Variants in PARD3B observed in about 807,000 individuals in gnomAD.
The protein encoded by PARD3B is partitioning defective 3 homolog B.
A neutral mutation model predicts 130.2 loss-of-function variants in PARD3B; 103 were observed. The observed-to-expected ratio is 0.79, with a 90% CI of 0.67 to 0.93. The LOEUF (loss-of-function observed/expected upper bound fraction) is 0.93. Among genes scored for constraint, PARD3B ranks in the 40% least tolerant of loss-of-function variants. The pLI is 0.00. For missense variants in PARD3B, 1,609 were observed against 1,499.2 expected, an observed-to-expected ratio of 1.07 and a Z score of -1.21; for synonymous variants, 583 against 553.2, an observed-to-expected ratio of 1.05 and a Z score of -0.76.
At chr2:204,960,403 A>G (rs1447737784) in intron 2 of PARD3B, among the ~76,000 whole-genome samples, 1 of 152,162 alleles carries the variant, frequency 6.6e-6, no homozygotes, top group Non-Finnish European at 1.5e-5. Context: ...GTTTTGGAGT[A>G]TGATGTGGCA....
At chr2:205,599,783 T>A (rs1313081972) in intron 22 of PARD3B, among the ~76,000 whole-genome samples, 1 of 152,226 alleles carries the variant, frequency 6.6e-6, no homozygotes, top group Non-Finnish European at 1.5e-5. Context: ...TCGTTGGTTC[T>A]GGGTGTTGTT....
At chr2:204,682,279 T>A (rs1396204481) in intron 1 of PARD3B, among the ~76,000 whole-genome samples, 1 of 152,110 alleles carries the variant, frequency 6.6e-6, no homozygotes, top group East Asian at 1.9e-4. Flanking sequence ...TTTTCTGTGT[T>A]TAAAAAAAAA....
At chr2:204,852,578 CT>C (rs2125608995) in intron 2 of PARD3B, among the ~76,000 whole-genome samples, 1 of 150,480 alleles carries the variant, frequency 6.6e-6, no homozygotes, top group African/African-American at 2.5e-5. Flanking sequence ...CAGCAAGCAG[CT>C]TTAACCAGTG....
intron 19 of PARD3B, among the ~76,000 whole-genome samples, chr2:205,403,485 A>G (rs760891994): frequency 4.6e-5 from 7 of 152,094 alleles, no homozygotes; most frequent in African/African-American, 7.3e-5. Context: ...TCTTTAGTGC[A>G]TATCCAGGAG....
At chr2:205,602,938 T>C (rs1164036346) in intron 22 of PARD3B, among the ~76,000 whole-genome samples, 2 of 152,172 alleles carry the variant, frequency 1.3e-5, no homozygotes, top group Non-Finnish European at 2.9e-5. Context: ...CTCCAGTTCT[T>C]TTAATTGTGA....
intron 18 of PARD3B, among the ~76,000 whole-genome samples, chr2:205,326,788 G>C (rs1411848238): frequency 6.6e-6 from 1 of 152,124 alleles, no homozygotes; most frequent in Non-Finnish European, 1.5e-5. Flanking sequence ...CATCCACCCA[G>C]TTTGGAAAAG....
intron 1 of PARD3B, among the ~76,000 whole-genome samples, chr2:204,550,541 G>A (rs893372175): frequency 6.6e-6 from 1 of 152,000 alleles, no homozygotes; most frequent in Non-Finnish European, 1.5e-5. Context: ...AGAAATAAGA[G>A]CATTGAATTC....
chr2:205,395,145 C>T (rs1269865119), intron 18 of PARD3B, among the ~76,000 whole-genome samples: 2 of 152,142 alleles, frequency 1.3e-5, no homozygotes, highest in African/African-American at 2.4e-5. Context: ...CTTCAGCACT[C>T]GACTGCACCT....
Position 205,013,611 on chromosome 2 carries a change from C to G in PARD3B, c.395-33970C>G, listed in dbSNP as rs369977205. 4.6e-5 allele frequency among the ~76,000 whole-genome samples: 7 copies of G among 152,214 alleles called. No homozygotes were observed. The East Asian group carries it at 1.4e-3, about 29-fold the overall frequency. On this transcript the variant is annotated intron_variant, in intron 3 of 22. Transcript: ENST00000406610. ...TGTCATTGGATACTAATAACATGCC[C>G]ACTTCACAAATTTAATCTTTCTGTA...
chr2:205,594,498 G>A (rs1391724181), intron 22 of PARD3B, among the ~76,000 whole-genome samples: 1 of 152,124 alleles, frequency 6.6e-6, no homozygotes, highest in Non-Finnish European at 1.5e-5. Flanking sequence ...CAGGGACCAT[G>A]TGAATAAACC....
chr2:204,705,217 G>A (rs1272935606), intron 2 of PARD3B, among the ~76,000 whole-genome samples: 2 of 152,224 alleles, frequency 1.3e-5, no homozygotes, highest in Middle Eastern at 3.2e-3. Flanking sequence ...AGCCGATTAT[G>A]TGCTAGGGCA....
chr2:204,686,097 G>A lies in PARD3B; in HGVS notation c.121-84G>A, dbSNP rs907344394. 37 of 916,056 alleles carry A rather than the reference G, an allele frequency of 4.0e-5. No homozygotes were observed. In the Admixed American group the frequency reaches 7.4e-4, roughly 18 times the overall value. 56.7% of individuals were successfully genotyped at this position (916,056 alleles called of 1,614,324 possible). ...GATTACTAGAACATATTTTTAACAA[G>A]TTAACTTATGTCTCTTAACATTAAA... On this transcript the variant is annotated intron_variant, in intron 1 of 22. Coordinates refer to ENST00000406610, the MANE Select transcript of PARD3B (RefSeq NM_001302769.2).
chr2:205,099,982 A>G (rs929749511), intron 4 of PARD3B, among the ~76,000 whole-genome samples: 1 of 152,190 alleles, frequency 6.6e-6, no homozygotes, highest in African/African-American at 2.4e-5. Flanking sequence ...TAGTCAGTTC[A>G]GAATTACCCT....
Position 204,673,242 on chromosome 2 carries a change from TGTA to T in PARD3B, c.121-12938_121-12936del, listed in dbSNP as rs1262569789. On this transcript the variant is annotated intron_variant, in intron 1 of 22. Coordinates refer to ENST00000406610, the MANE Select transcript of PARD3B (RefSeq NM_001302769.2). This position sits in a 1 kb window ranked among gnomAD's most constrained non-coding sequence, Gnocchi z 4.7. Reference sequence around the variant, plus strand: ...AAAACCATCTGAGATGCAAATAACATGTAAGTCCCTTCTTCTTCCTTTCTAGAA... The same window carrying T: ...AAAACCATCTGAGATGCAAATAACATAGTCCCTTCTTCTTCCTTTCTAGAA... Among the ~76,000 whole-genome samples the T allele has an allele frequency of 6.6e-6, 1 of 152,232 alleles. No homozygotes were observed. Among genetic ancestry groups the T allele is most frequent in the Admixed American group, 6.5e-5 (1 of 15,282 alleles).
At position 204,887,352 on chromosome 2, in the gene PARD3B, A is replaced by G. The variant is rs187334753; in HGVS notation, c.223-77800A>G. Reference sequence around the variant, plus strand: ...CTGCATATATCTTTGTTTAAAAAGCATTAGTGGAATATTACTGAAGCCGAA... The same window carrying G: ...CTGCATATATCTTTGTTTAAAAAGCGTTAGTGGAATATTACTGAAGCCGAA... On this transcript the variant is annotated intron_variant, in intron 2 of 22. Transcript: ENST00000406610. This position sits in a 1 kb window ranked among gnomAD's most constrained non-coding sequence, Gnocchi z 4.2. Among the ~76,000 whole-genome samples, 718 of 152,292 alleles carry G rather than the reference A, an allele frequency of 4.7e-3. 3 individuals carry two copies. Among genetic ancestry groups the G allele is most frequent in the Non-Finnish European group, 7.1e-3 (484 of 68,022 alleles).
chr2:205,224,847 T>G (rs567709021), intron 15 of PARD3B, among the ~76,000 whole-genome samples: 19 of 152,250 alleles, frequency 1.2e-4, no homozygotes, highest in Non-Finnish European at 2.5e-4. Context: ...GAGATAATTA[T>G]TTTTGCCAAC....
At chr2:204,834,045 A>G (rs1469999796) in intron 2 of PARD3B, among the ~76,000 whole-genome samples, 1 of 151,588 alleles carries the variant, frequency 6.6e-6, no homozygotes, top group Non-Finnish European at 1.5e-5. Flanking sequence ...CCCATTCTTC[A>G]CCTGGGATGA....
chr2:205,331,580 G>A (rs569176945), intron 18 of PARD3B, among the ~76,000 whole-genome samples: 16 of 151,658 alleles, frequency 1.1e-4, no homozygotes, highest in South Asian at 2.1e-4. Context: ...TCAGGAGTTC[G>A]AGACCAGGCT....
intron 21 of PARD3B, among the ~76,000 whole-genome samples, chr2:205,504,309 A>T (rs1373928922): frequency 6.6e-6 from 1 of 152,202 alleles, no homozygotes; most frequent in Admixed American, 6.5e-5. Flanking sequence ...AACCTAGGCA[A>T]TACCATTCAG....
Sources: allele counts gnomAD v4.1 joint callset (sites outside exome capture counted in the v4.1 genomes callset), GRCh38; gene constraint gnomAD v4.1.1; non-coding constraint Gnocchi (gnomAD v3.1); transcripts MANE v1.5; gene names NCBI Gene and HGNC (gene_info 2026-07-23, HGNC 2026-07-21).